Variants in SENP7 observed in about 807,000 individuals in gnomAD.
SENP7 encodes sentrin-specific protease 7.
SENP7 carries 64 observed loss-of-function variants against 141.2 expected under a neutral mutation model. The ratio of observed to expected loss-of-function variants is 0.45; its 90% confidence interval spans 0.37 to 0.56. The LOEUF (loss-of-function observed/expected upper bound fraction) is 0.56, where lower values mean the gene tolerates loss of function less well. Among genes scored for constraint, SENP7 ranks in the 20% least tolerant of loss-of-function variants. The pLI is 0.00. For missense variants in SENP7, 1,025 were observed against 1,212.2 expected, an observed-to-expected ratio of 0.85 and a Z score of 2.29; for synonymous variants, 382 against 426.4, an observed-to-expected ratio of 0.90 and a Z score of 1.28.
At chr3:101,476,712 C>T (rs752557087) in intron 3 of SENP7, among the ~76,000 whole-genome samples, 2 of 152,170 alleles carry the variant, frequency 1.3e-5, no homozygotes, top group Non-Finnish European at 2.9e-5. Flanking sequence ...CTTACACTCC[C>T]ACCAACAGTG....
chr3:101,427,264 G>C (rs1025512048), intron 4 of SENP7, among the ~76,000 whole-genome samples: 1 of 152,092 alleles, frequency 6.6e-6, no homozygotes, highest in Non-Finnish European at 1.5e-5. Context: ...CGAGGCAAGA[G>C]GATTGCCTGA....
chr3:101,453,172 T>C (rs1340760759), intron 4 of SENP7, among the ~76,000 whole-genome samples: 1 of 152,114 alleles, frequency 6.6e-6, no homozygotes, highest in African/African-American at 2.4e-5. Context: ...TGAGATACCA[T>C]CTCACACCAG....
In SENP7 at chr3:101,426,901, C is replaced by T. The variant is rs140119788; in HGVS notation, c.285-9111G>A. On this transcript the variant is annotated intron_variant, in intron 4 of 23. Transcript: ENST00000394095. ...AAGGAAACAATGTTACCAGCCACTA[C>T]AGAAACACACTGAAGTACACAGACC... Among the ~76,000 whole-genome samples, 517 of 152,270 alleles carry T rather than the reference C, an allele frequency of 3.4e-3. 2 individuals are homozygous for T. The highest frequency in any genetic ancestry group is 0.012 in the African/African-American group (486 of 41,538).
chr3:101,343,760 A>T lies in SENP7; in HGVS notation c.2032T>A (p.Tyr678Asn). 1 of 1,613,918 alleles carries T rather than the reference A, an allele frequency of 6.2e-7. No homozygotes were observed. The highest frequency in any genetic ancestry group is 8.5e-7 in the Non-Finnish European group (1 of 1,179,862). ...GGGAAAGAACAAGTTGAAACACAGT[A>T]ATAATGAATAAAAGAACTTTCTTTT... ...SSKESSFIHY[Y>N]CVSTCSFPAG... The change falls in exon 14 of 24, where the codon TAC (tyrosine) becomes AAC (asparagine). Residue 678 changes from tyrosine (Y) to asparagine (N), a missense_variant. Physicochemically the swap from Tyr to Asn is moderately radical, Grantham distance 143 (BLOSUM62 -2). Coordinates refer to ENST00000394095, the MANE Select transcript of SENP7 (RefSeq NM_020654.5).
chr3:101,454,454 G>A (rs1193594695), intron 4 of SENP7, among the ~76,000 whole-genome samples: 1 of 152,048 alleles, frequency 6.6e-6, no homozygotes, highest in Non-Finnish European at 1.5e-5. Context: ...GGAGGCTGCA[G>A]TGAGCTGTTT....
intron 1 of SENP7, among the ~76,000 whole-genome samples, chr3:101,502,062 G>T (rs2065403485): frequency 6.6e-6 from 1 of 152,118 alleles, no homozygotes; most frequent in African/African-American, 2.4e-5. Context: ...ACGACCTTTG[G>T]GTAGGCAAAG....
At chr3:101,394,674 C>A (rs1235866326) in intron 6 of SENP7, among the ~76,000 whole-genome samples, 1 of 151,742 alleles carries the variant, frequency 6.6e-6, no homozygotes, top group East Asian at 1.9e-4. Flanking sequence ...TTGTTTTTTT[C>A]TTTTTTGTTT....
chr3:101,434,549 A>C (rs899895756), intron 4 of SENP7, among the ~76,000 whole-genome samples: 2 of 152,106 alleles, frequency 1.3e-5, no homozygotes, highest in African/African-American at 4.8e-5. Context: ...AAAAACAAAA[A>C]GAGAAAATAC....
intron 3 of SENP7, among the ~76,000 whole-genome samples, chr3:101,471,097 A>G (rs371310637): frequency 6.6e-6 from 1 of 152,380 alleles, no homozygotes; most frequent in East Asian, 1.9e-4. Flanking sequence ...TATAGATTCA[A>G]TGCCATCCCC....
At chr3:101,452,674 G>A (rs1020349143) in intron 4 of SENP7, among the ~76,000 whole-genome samples, 1 of 152,184 alleles carries the variant, frequency 6.6e-6, no homozygotes, top group Non-Finnish European at 1.5e-5. Context: ...GTAGAAAGCT[G>A]AAACTGGATC....
chr3:101,330,483 G>T, intron 19 of SENP7, 97 bp from the exon 20 acceptor site: 1 of 664,136 alleles, frequency 1.5e-6, no homozygotes, highest in Non-Finnish European at 2.5e-6. Context: ...TGCAGTTACT[G>T]GATGCACAGT....
At chr3:101,377,994 A>T (rs545975753) in intron 6 of SENP7, among the ~76,000 whole-genome samples, 1 of 152,306 alleles carries the variant, frequency 6.6e-6, no homozygotes, top group South Asian at 2.1e-4. Context: ...TAACTTCCAC[A>T]TGCCTAGCGT....
At chr3:101,483,627 T>C (rs1400359212) in intron 3 of SENP7, among the ~76,000 whole-genome samples, 1 of 152,168 alleles carries the variant, frequency 6.6e-6, no homozygotes, top group Admixed American at 6.5e-5. Flanking sequence ...GTTCAAATTA[T>C]TAAAAAGAAA....
intron 4 of SENP7, among the ~76,000 whole-genome samples, chr3:101,428,256 C>T (rs890483155): frequency 6.6e-6 from 1 of 152,132 alleles, no homozygotes; most frequent in Non-Finnish European, 1.5e-5. Context: ...GTTTTACATC[C>T]TTGAGGAGTC....
chr3:101,456,988 T>C (rs1459762879), intron 4 of SENP7, among the ~76,000 whole-genome samples: 1 of 151,704 alleles, frequency 6.6e-6, no homozygotes, highest in Non-Finnish European at 1.5e-5. Flanking sequence ...TTTGTTTTAC[T>C]AGGCAAAGAA....
At chr3:101,446,102 C>T (rs115787728) in intron 4 of SENP7, among the ~76,000 whole-genome samples, 2 of 152,178 alleles carry the variant, frequency 1.3e-5, no homozygotes, top group Non-Finnish European at 2.9e-5. Flanking sequence ...TGAGTTCTAA[C>T]GAAATCTGGT....
chr3:101,462,387 C>G (rs1042709213), intron 3 of SENP7, among the ~76,000 whole-genome samples: 1 of 151,698 alleles, frequency 6.6e-6, no homozygotes, highest in South Asian at 2.1e-4. Flanking sequence ...ACTAAAAATA[C>G]AAAATTAGCC....
intron 4 of SENP7, among the ~76,000 whole-genome samples, chr3:101,450,657 G>A (rs2063096598): frequency 6.6e-6 from 1 of 152,156 alleles, no homozygotes; most frequent in African/African-American, 2.4e-5. Flanking sequence ...GATGTTCTTT[G>A]AAACCAACGA....
rs543191352 is a variant in SENP7 at position 101,361,571 on chromosome 3, A to T, written c.1623+144T>A. The T allele has an allele frequency of 3.5e-5, 29 of 823,298 alleles. No homozygotes were observed. In the African/African-American group the frequency reaches 4.5e-4, roughly 13 times the overall value. The allele number at this position is 823,298 out of a possible 1,614,324, so 51.0% of individuals were successfully genotyped here. On this transcript the variant is annotated intron_variant, in intron 11 of 23. Transcript: ENST00000394095. ...ATGAAAGACACATTTCAAATTAGGT[A>T]TAATGACTTTCAACATATCCAAAGT...
Sources: gnomAD v4.1 joint callset for allele counts (sites outside exome capture counted in the v4.1 genomes callset) on GRCh38, gnomAD v4.1.1 for gene constraint, MANE v1.5 for transcripts, NCBI Gene and HGNC (gene_info 2026-07-23, HGNC 2026-07-21) for gene names.